Variants in FCN3 observed in about 807,000 individuals in gnomAD.
FCN3 encodes the protein ficolin-3.
Under a neutral mutation model 31.5 loss-of-function variants are expected in FCN3, and 28 were observed. The observed-to-expected ratio is 0.89, with a 90% CI of 0.66 to 1.22. The LOEUF is 1.22. Among genes scored for constraint, FCN3 ranks in the 50% most tolerant of loss-of-function variants. The probability of loss-of-function intolerance (pLI) is 0.00; values close to 1 mark genes in which losing one functional copy is unlikely to be tolerated. For synonymous variants in FCN3, 124 were observed against 147.4 expected (o/e 0.84, Z 1.15); for missense variants, 351 against 386.8 (o/e 0.91, Z 0.78).
chr1:27,373,033 C>T (rs1263365246), intron 5 of FCN3, 103 bp downstream of exon 5: 8 of 1,393,808 alleles, frequency 5.7e-6, no homozygotes, highest in Non-Finnish European at 7.9e-6. Context: ...CAGTGAATTC[C>T]TCTAGGAAAT....
intron 5 of FCN3, among the ~76,000 whole-genome samples, chr1:27,372,695 G>A (rs1051088538): frequency 7.3e-5 from 11 of 151,160 alleles, no homozygotes; most frequent in Non-Finnish European, 8.8e-5. Context: ...GCTCACTCAC[G>A]CGTTCCCTGC....
intron 5 of FCN3, among the ~76,000 whole-genome samples, chr1:27,372,824 C>T (rs2016174641): frequency 7.0e-6 from 1 of 142,712 alleles, no homozygotes; most frequent in African/African-American, 2.6e-5. Context: ...TTCACCCAGG[C>T]TGGAGTGCAA....
chr1:27,370,006 C>A (rs532662348), intron 7 of FCN3, among the ~76,000 whole-genome samples: 1 of 135,518 alleles, frequency 7.4e-6, no homozygotes, highest in African/African-American at 2.8e-5. Flanking sequence ...GCGCTCCCCC[C>A]GCCTTTTTTT....
chr1:27,374,589 T>A (rs1361780576), intron 1 of FCN3, 138 bp from the exon 2 acceptor site: 17 of 750,830 alleles, frequency 2.3e-5, no homozygotes, highest in Non-Finnish European at 3.5e-5. Context: ...GTGCTTTGCA[T>A]CCATTTGCAT....
chr1:27,373,181 G>A lies in FCN3; in HGVS notation c.348C>T (p.Ala116=), dbSNP rs2016182926. The change falls in exon 5 of 8, where the codon GCC becomes GCT. Residue 116 remains alanine, a synonymous_variant. Transcript: ENST00000270879. ...TGTCCATGTCACAAAAGACTGGGAG[G>A]GCCCTGCCCTCAGGTAGGCACAGAT... ...WYHLCLPEGR[A]LPVFCDMDTE... The A allele has an allele frequency of 6.2e-7, 1 of 1,608,442 alleles. No individual in the cohort carries two copies. Among genetic ancestry groups the A allele is most frequent in the Non-Finnish European group, 8.5e-7 (1 of 1,177,658 alleles).
rs898134506 is a variant in FCN3, at chr1:27,373,883, C to T, written c.232+82G>A. ...CCCTGTGAGAGAGCCATCATAGGCA[C>T]AGCAGCCAAGCAGAGATCCCACCCT... On this transcript the variant is annotated intron_variant, in intron 3 of 7. Coordinates refer to ENST00000270879, the MANE Select transcript of FCN3 (RefSeq NM_003665.4). The T allele has an allele frequency of 8.9e-6, 11 of 1,241,782 alleles. No individual in the cohort carries two copies. In the African/African-American group the frequency reaches 1.3e-4, roughly 15 times the overall value. The allele number at this position is 1,241,782 out of a possible 1,614,324, so 76.9% of individuals were successfully genotyped here.
rs2016209498 is a variant in FCN3, at chr1:27,374,410, T to A, written c.133A>T (p.Ser45Cys). 2 of 1,613,890 alleles carry A rather than the reference T, an allele frequency of 1.2e-6. No individual in the cohort carries two copies. The highest frequency in any genetic ancestry group is 1.7e-6 in the Non-Finnish European group (2 of 1,179,942). Residue 45 changes from serine (S) to cysteine (C), a missense_variant, in exon 2 of 8, where the codon AGT becomes TGT. Physicochemically the swap from Ser to Cys is moderately radical, Grantham distance 112. Coordinates refer to ENST00000270879, the MANE Select transcript of FCN3 (RefSeq NM_003665.4). The part of the protein sequence containing the change: ...LEASKVVLLP[S>C]CPGAPGSPGE... ...GGACTTCCTGGAGCTCCGGGACAAC[T>A]GGGCAGGAGGACAACTTTGCTGGCT...
rs113797761 is a variant in FCN3 at position 27,370,840 on chromosome 1, C to G, written c.523+3G>C. Reference sequence around the variant, plus strand: ...AGACTCCAGGACCCTGCTGGGAACTCACCCTGGAGAGTAAGCTGGTGCAAA... The same window carrying G: ...AGACTCCAGGACCCTGCTGGGAACTGACCCTGGAGAGTAAGCTGGTGCAAA... On this transcript the variant is annotated splice_donor_region_variant and intron_variant, in intron 6 of 7. Transcript: ENST00000270879. 2 of 1,613,980 alleles carry G rather than the reference C, an allele frequency of 1.2e-6. No individual in the cohort carries two copies.
At position 27,370,595 on chromosome 1, in the gene FCN3, C is replaced by A. The variant is rs1333995009; in HGVS notation, c.658+1G>T. 4 of 1,613,942 alleles carry A rather than the reference C, an allele frequency of 2.5e-6. No individual in the cohort carries two copies. Among genetic ancestry groups the A allele is most frequent in the Non-Finnish European group, 2.5e-6 (3 of 1,179,836 alleles). ...CCTCTGCTCCCCTTAGGCTCACTCA[C>A]CTGCAGTGCCCTCTGAGAACTTGCC... On this transcript the variant is annotated splice_donor_variant, in intron 7 of 7. Coordinates refer to ENST00000270879, the MANE Select transcript of FCN3 (RefSeq NM_003665.4). LOFTEE classifies it high-confidence loss of function.
At position 27,372,773 on chromosome 1, in the gene FCN3, A is replaced by ATTTTTTTT. The variant is rs71010351; in HGVS notation, c.393+355_393+362dup. On this transcript the variant is annotated intron_variant, in intron 5 of 7. Transcript: ENST00000270879. The stretch of plus-strand genomic sequence containing the variant: ...TAGCTGGAATGCCCCTCCCTACCCT[A>ATTTTTTTT]TTTTTTTTTTTTTTTTTTTTTGAGA... Among the ~76,000 whole-genome samples the ATTTTTTTT allele has an allele frequency of 1.7e-3, 168 of 96,404 alleles. 7 individuals are homozygous for ATTTTTTTT. The highest frequency in any genetic ancestry group is 2.8e-3 in the Non-Finnish European group (142 of 50,800). The allele number at this position is 96,404 out of a possible 152,430, so 63.2% of individuals were successfully genotyped here.
intron 5 of FCN3, among the ~76,000 whole-genome samples, chr1:27,372,324 T>G (rs1292336639): frequency 6.6e-6 from 1 of 151,886 alleles, no homozygotes; most frequent in Non-Finnish European, 1.5e-5. Flanking sequence ...CTTGGCTCAC[T>G]GCAACCACCA....
Position 27,370,798 on chromosome 1 carries a change from G to A in FCN3, c.523+45C>T, listed in dbSNP as rs752536196. 8 of 1,611,082 alleles carry A rather than the reference G, an allele frequency of 5.0e-6. No homozygotes were observed. The East Asian group carries it at 1.1e-4, about 22-fold the overall frequency. On this transcript the variant is annotated intron_variant, in intron 6 of 7. Coordinates refer to ENST00000270879, the MANE Select transcript of FCN3 (RefSeq NM_003665.4). Reference sequence around the variant, plus strand: ...TGGGGGTGGGGCAGGGATTCAGGATGGCAGACAGTAACCCCCAGACTCCAG... The same window carrying A: ...TGGGGGTGGGGCAGGGATTCAGGATAGCAGACAGTAACCCCCAGACTCCAG...
rs377389893 is a variant in FCN3, at chr1:27,373,266, G to A, written c.266-3C>T. ...CAGCTCCCGGCAGTTTCTGGGGCCT[G>A]GGAAAGGGGAGATGGACTGGGGTGG... On this transcript the variant is annotated splice_region_variant and splice_polypyrimidine_tract_variant and intron_variant, in intron 4 of 7. Transcript: ENST00000270879. 446 of 1,614,058 alleles carry A rather than the reference G, an allele frequency of 2.8e-4. 6 individuals carry two copies. In the South Asian group the frequency reaches 4.4e-3, roughly 16 times the overall value.
chr1:27,373,668 C>T, intron 3 of FCN3, 148 bp from the exon 4 acceptor site: 1 of 818,818 alleles, frequency 1.2e-6, no homozygotes, highest in South Asian at 1.5e-5. Flanking sequence ...CATAGGGTAC[C>T]CAGGCCCTTC....
In FCN3 at chr1:27,373,629, C is replaced by T. The variant is rs1014493427; in HGVS notation, c.233-109G>A. The T allele has an allele frequency of 2.5e-6, 3 of 1,178,278 alleles. 1 individual carries two copies. The Admixed American group carries it at 5.7e-5, about 22-fold the overall frequency. The allele number at this position is 1,178,278 out of a possible 1,614,324, so 73.0% of individuals were successfully genotyped here. A position where few individuals can be genotyped will look rare whatever the true frequency, so the allele number is the denominator to read the frequency against. On this transcript the variant is annotated intron_variant, in intron 3 of 7. Coordinates refer to ENST00000270879, the MANE Select transcript of FCN3 (RefSeq NM_003665.4). ...TTTTCCGAATCCTTCCCACTCCTCC[C>T]AGCCTTCCATACCCTGTAGGAGGGC... is the stretch of plus-strand genomic sequence containing the variant.
At position 27,373,499 on chromosome 1, in the gene FCN3, C is replaced by T. The variant is rs140590744; in HGVS notation, c.254G>A (p.Arg85Gln). 6.8e-5 allele frequency: 109 copies of T among 1,613,942 alleles called. No homozygotes were observed. The highest frequency in any genetic ancestry group is 7.6e-5 in the Non-Finnish European group (90 of 1,179,998). The change falls in exon 4 of 8, where the codon CGG becomes CAG. Residue 85 changes from arginine to glutamine, a missense_variant. By Grantham distance (43) the Arg-to-Gln change is conservative. Transcript: ENST00000270879. The part of the protein sequence containing the change: ...GEPGDPVNLL[R>Q]CQEGPRNCRE... ...AAGGGCTGCCTCACCTTCCTGGCAC[C>T]GGAGCAGGTTCACTGGATCTCCTGC...
chr1:27,372,425 T>C (rs1407447882), intron 5 of FCN3, among the ~76,000 whole-genome samples: 1 of 152,058 alleles, frequency 6.6e-6, no homozygotes, highest in Non-Finnish European at 1.5e-5. Context: ...TTTTTATATT[T>C]TTAGTAAAGA....
chr1:27,373,787 C>G (rs1262087962), intron 3 of FCN3, 178 bp downstream of exon 3: 11 of 680,818 alleles, frequency 1.6e-5, no homozygotes, highest in Non-Finnish European at 2.8e-5. Context: ...CCTCCATCCC[C>G]AATAGGAGGG....
At chr1:27,369,548 A>T in intron 7 of FCN3, 71 bp from the exon 8 acceptor site, 1 of 1,442,270 alleles carries the variant, frequency 6.9e-7, no homozygotes, top group Non-Finnish European at 9.7e-7. Flanking sequence ...ATATAATGCC[A>T]TGGGAGTCTC....
Sources: allele counts gnomAD v4.1 joint callset (sites outside exome capture counted in the v4.1 genomes callset), GRCh38; gene constraint gnomAD v4.1.1; transcripts MANE v1.5; gene names NCBI Gene and HGNC (gene_info 2026-07-23, HGNC 2026-07-21).